PCDHGB2: variants seen among roughly 807,000 people sequenced by gnomAD.
PCDHGB2 encodes protocadherin gamma subfamily B, 2.
A neutral mutation model predicts 59.3 loss-of-function variants in PCDHGB2; 55 were observed. The observed-to-expected ratio is 0.93, with a 90% CI of 0.75 to 1.16. PCDHGB2 has a LOEUF of 1.16. PCDHGB2 is among the 50% of genes most tolerant of loss of function. PCDHGB2 has a pLI of 0.00. For synonymous variants in PCDHGB2, 516 were observed against 512.0 expected (o/e 1.01, Z -0.11); for missense variants, 1,228 against 1,198.5 (o/e 1.02, Z -0.36).
Position 141,468,837 on chromosome 5 carries a change from G to A in PCDHGB2, c.2422-25970G>A, listed in dbSNP as rs550455857. ...GCCAAGATCAAGCCACTGCACTCCA[G>A]CCTGGGCAACAGAGCGAGACTCCAT... On this transcript the variant is annotated intron_variant, in intron 1 of 3. Transcript: ENST00000522605. 3.3e-5 allele frequency among the ~76,000 whole-genome samples: 5 copies of A among 152,228 alleles called. No homozygotes were observed. The East Asian group carries it at 9.7e-4, about 29-fold the overall frequency.
At position 141,486,092 on chromosome 5, in the gene PCDHGB2, C is replaced by T. The variant is rs2099624294; in HGVS notation, c.2422-8715C>T. The T allele has an allele frequency of 3.7e-6, 6 of 1,614,148 alleles. No homozygotes were observed. In the East Asian group the frequency reaches 1.3e-4, roughly 36 times the overall value. On this transcript the variant is annotated intron_variant, in intron 1 of 3. Coordinates refer to ENST00000522605, the MANE Select transcript of PCDHGB2 (RefSeq NM_018923.3). This position sits in a 1 kb window ranked among gnomAD's most constrained non-coding sequence, Gnocchi z 5.0. Reference sequence around the variant, plus strand: ...TACTGGAAAGCTTACTCTTTTGGGGCCCCTAGACTTTGAGAGTGAGAATTA... The same window carrying T: ...TACTGGAAAGCTTACTCTTTTGGGGTCCCTAGACTTTGAGAGTGAGAATTA...
At chr5:141,420,713 G>T (rs1406572601) in intron 1 of PCDHGB2, among the ~76,000 whole-genome samples, 1 of 152,078 alleles carries the variant, frequency 6.6e-6, no homozygotes, top group African/African-American at 2.4e-5. Flanking sequence ...CAGAAATGTC[G>T]TTCCTTTCAG....
At chr5:141,455,244 T>A (rs977940552) in intron 1 of PCDHGB2, among the ~76,000 whole-genome samples, 4 of 152,142 alleles carry the variant, frequency 2.6e-5, no homozygotes, top group Non-Finnish European at 4.4e-5. Flanking sequence ...TTAAAGGTCA[T>A]AGTACAATCG....
intron 1 of PCDHGB2, chr5:141,412,214 A>G (rs1196919276): frequency 6.6e-6 from 1 of 152,196 alleles, no homozygotes; most frequent in African/African-American, 2.4e-5. Context: ...TGACATAAAC[A>G]CTTACTTGTT....
rs548074156 is a variant in PCDHGB2 at position 141,511,069 on chromosome 5, G to A, written c.2692G>A (p.Gly898Ser). The A allele has an allele frequency of 6.2e-7, 1 of 1,614,230 alleles. No individual in the cohort carries two copies. Among genetic ancestry groups the A allele is most frequent in the Non-Finnish European group, 8.5e-7 (1 of 1,180,034 alleles). ...CTACCGCCAGAATGTCTACATCCCA[G>A]GCAGCAATGCCACACTGACCAACGC... ...PDYRQNVYIP[G>S]SNATLTNAAG... The change falls in exon 4 of 4, where the codon GGC becomes AGC. Residue 898 changes from glycine (G) to serine (S), a missense_variant. Physicochemically the swap from Gly to Ser is moderately conservative, Grantham distance 56 (BLOSUM62 0). Transcript: ENST00000522605.
intron 1 of PCDHGB2, chr5:141,382,944 G>T (rs375823415): frequency 7.9e-5 from 126 of 1,596,768 alleles, no homozygotes; most frequent in Non-Finnish European, 1.0e-4. Flanking sequence ...GATTCTTCCT[G>T]CTCTCCATCC....
intron 1 of PCDHGB2, among the ~76,000 whole-genome samples, chr5:141,473,431 G>T (rs541546681): frequency 3.3e-5 from 5 of 152,148 alleles, no homozygotes; most frequent in Non-Finnish European, 7.3e-5. Flanking sequence ...CAGATACTTT[G>T]CTTATGCAAA....
chr5:141,476,783 G>C lies in PCDHGB2; in HGVS notation c.2422-18024G>C. ...GACGGCGTTGGACGGAGGGACCCCAGCTCTCTCCGCCAGCCTGCCTATTCA... is the reference window on the plus strand; with the variant it reads ...GACGGCGTTGGACGGAGGGACCCCACCTCTCTCCGCCAGCCTGCCTATTCA... On this transcript the variant is annotated intron_variant, in intron 1 of 3. Coordinates refer to ENST00000522605, the MANE Select transcript of PCDHGB2 (RefSeq NM_018923.3). This position sits in a 1 kb window ranked among gnomAD's most constrained non-coding sequence, Gnocchi z 7.6. The C allele has an allele frequency of 6.2e-7, 1 of 1,613,510 alleles. No homozygotes were observed. The highest frequency in any genetic ancestry group is 8.5e-7 in the Non-Finnish European group (1 of 1,180,030).
intron 1 of PCDHGB2, chr5:141,407,957 G>C (rs1166490050): frequency 1.5e-6 from 1 of 660,376 alleles, no homozygotes; most frequent in African/African-American, 1.8e-5. Flanking sequence ...GGCCAGTGCA[G>C]AGCAAGCGCT....
chr5:141,415,077 A>C, intron 1 of PCDHGB2: 2 of 1,613,468 alleles, frequency 1.2e-6, no homozygotes, highest in Non-Finnish European at 1.7e-6. Flanking sequence ...GCACGGCGCG[A>C]GCCCTGCTGG....
intron 2 of PCDHGB2, among the ~76,000 whole-genome samples, chr5:141,500,416 A>G: frequency 6.6e-6 from 1 of 151,634 alleles, no homozygotes; most frequent in East Asian, 2.0e-4. Flanking sequence ...TCACCGTGTT[A>G]GCCAGGATGG....
intron 1 of PCDHGB2, chr5:141,397,964 T>A: frequency 9.4e-7 from 1 of 1,060,074 alleles, no homozygotes; most frequent in Non-Finnish European, 1.3e-6. Context: ...CAGCTCAGAC[T>A]CCCCAGCGCC....
chr5:141,421,945 AT>A (rs1473318347), intron 1 of PCDHGB2: 1 of 1,613,342 alleles, frequency 6.2e-7, no homozygotes, highest in Non-Finnish European at 8.5e-7. Flanking sequence ...AAATGATCAC[AT>A]CCCAATGTTT....
intron 1 of PCDHGB2, chr5:141,413,439 G>A (rs747331348): frequency 1.1e-4 from 179 of 1,613,988 alleles, no homozygotes; most frequent in Non-Finnish European, 1.4e-4. Flanking sequence ...GCGGCAGCTT[G>A]ATCACCGCGG....
chr5:141,490,956 A>T lies in PCDHGB2; in HGVS notation c.2422-3851A>T. 1.2e-6 allele frequency: 2 copies of T among 1,613,828 alleles called. No homozygotes were observed. The highest frequency in any genetic ancestry group is 1.7e-6 in the Non-Finnish European group (2 of 1,179,852). ...TGCTGCACCCACGGCCAGACTGGGA[A>T]CACTCAGCCCCCCAGCGTCTCCCTC... On this transcript the variant is annotated intron_variant, in intron 1 of 3. Transcript: ENST00000522605. The surrounding 1 kb of genome is among the most constrained non-coding windows in gnomAD (Gnocchi z 5.4).
chr5:141,408,384 T>C, intron 1 of PCDHGB2: 2 of 1,614,014 alleles, frequency 1.2e-6, no homozygotes, highest in Non-Finnish European at 1.7e-6. Flanking sequence ...GTCCTGGATG[T>C]GTCGGCTCGC....
chr5:141,419,701 C>T (rs1268060859), intron 1 of PCDHGB2: 7 of 1,612,860 alleles, frequency 4.3e-6, no homozygotes, highest in Non-Finnish European at 5.9e-6. Flanking sequence ...CCAGTGAGCC[C>T]GGGCTCTTCA....
chr5:141,456,878 G>A (rs71583646), intron 1 of PCDHGB2, among the ~76,000 whole-genome samples: 21 of 152,162 alleles, frequency 1.4e-4, no homozygotes, highest in African/African-American at 2.4e-4. Flanking sequence ...CAGGAGAATC[G>A]CTTGAACCCG....
chr5:141,403,212 C>T (rs755734755), intron 1 of PCDHGB2: 8 of 1,613,834 alleles, frequency 5.0e-6, no homozygotes, highest in East Asian at 2.2e-5. Context: ...TTGGTCACCG[C>T]GGGTAGGATA....
Sources: gnomAD v4.1 joint callset for allele counts (sites outside exome capture counted in the v4.1 genomes callset) on GRCh38, gnomAD v4.1.1 for gene constraint, Gnocchi (gnomAD v3.1) non-coding constraint, MANE v1.5 for transcripts, NCBI Gene and HGNC (gene_info 2026-07-23, HGNC 2026-07-21) for gene names.